LRIG1: variants seen among roughly 807,000 people sequenced by gnomAD.
LRIG1 encodes the protein leucine rich repeats and immunoglobulin like domains 1, also known as leucine-rich repeats and immunoglobulin-like domains protein 1.
A neutral mutation model predicts 99.2 loss-of-function variants in LRIG1; 48 were observed. The observed-to-expected ratio is 0.48, with a 90% CI of 0.38 to 0.62. LRIG1 has a LOEUF of 0.62. Ranked by LOEUF, LRIG1 falls within the 20% of genes least tolerant of loss-of-function variation. The pLI is 0.00. For missense variants in LRIG1, 1,646 were observed against 1,434.4 expected (o/e 1.15, Z -2.38); for synonymous variants, 772 against 596.1 (o/e 1.29, Z -4.30).
At chr3:66,390,401 C>T (rs974896992) in intron 12 of LRIG1, among the ~76,000 whole-genome samples, 9 of 152,048 alleles carry the variant, frequency 5.9e-5, no homozygotes, top group Non-Finnish European at 1.2e-4. Context: ...ACAGAAATAC[C>T]TTTAACAGTA....
chr3:66,405,117 G>A (rs1702215611), intron 9 of LRIG1, 81 bp downstream of exon 9: 19 of 1,268,048 alleles, frequency 1.5e-5, no homozygotes, highest in South Asian at 1.2e-4. Context: ...GCAGAGAGGC[G>A]CGGGGGGCGC....
At chr3:66,448,076 T>G (rs9872173) in intron 3 of LRIG1, among the ~76,000 whole-genome samples, 5,785 of 152,314 alleles carry the variant, frequency 0.038, 352 homozygotes, top group African/African-American at 0.13. Flanking sequence ...GCTCCGGCAT[T>G]ATCCTCAGAA....
chr3:66,442,163 G>A (rs541053389), intron 3 of LRIG1, among the ~76,000 whole-genome samples: 128 of 152,150 alleles, frequency 8.4e-4, no homozygotes, highest in Non-Finnish European at 1.2e-3. Context: ...AAAAACTCTT[G>A]CCTTTAAACA....
chr3:66,500,375 G>T lies in LRIG1; in HGVS notation c.33C>A (p.Ala11=). Residue 11 remains alanine (A), a synonymous_variant, in exon 1 of 19, where the codon GCC becomes GCA. Coordinates refer to ENST00000273261, the MANE Select transcript of LRIG1 (RefSeq NM_015541.3). The part of the protein sequence containing the change: MARPVRGGLG[A]PRRSPCLLLL... Reference sequence around the variant, plus strand: ...GGAGAAGGCAAGGCGAGCGGCGCGGGGCCCCGAGCCCTCCCCGGACCGGCC... The same window carrying T: ...GGAGAAGGCAAGGCGAGCGGCGCGGTGCCCCGAGCCCTCCCCGGACCGGCC... 1 of 1,474,128 alleles carries T rather than the reference G, an allele frequency of 6.8e-7. No homozygotes were observed. The highest frequency in any genetic ancestry group is 1.3e-5 in the South Asian group (1 of 75,760). The allele number at this position is 1,474,128 out of a possible 1,614,324, so 91.3% of individuals were successfully genotyped here.
chr3:66,469,487 C>A (rs912031735), intron 1 of LRIG1, among the ~76,000 whole-genome samples: 2 of 152,274 alleles, frequency 1.3e-5, no homozygotes, highest in South Asian at 4.1e-4. Flanking sequence ...TCAGTGTGGG[C>A]CTCTGAAGTC....
At chr3:66,494,074 A>G (rs1701174513) in intron 1 of LRIG1, among the ~76,000 whole-genome samples, 2 of 152,152 alleles carry the variant, frequency 1.3e-5, no homozygotes, top group African/African-American at 4.8e-5. Context: ...GAGACAGGAT[A>G]ATAAATTGGA....
chr3:66,401,452 G>A (rs181430055), intron 9 of LRIG1, among the ~76,000 whole-genome samples: 186 of 152,306 alleles, frequency 1.2e-3, no homozygotes, highest in African/African-American at 4.2e-3. Context: ...AAAAAGCTGC[G>A]CTTTATTTCA....
chr3:66,402,546 C>T (rs1182773496), intron 9 of LRIG1, among the ~76,000 whole-genome samples: 2 of 94,420 alleles, frequency 2.1e-5, no homozygotes, highest in Non-Finnish European at 4.8e-5. Context: ...TAGGTCTGAC[C>T]TCTTGCATGG....
At chr3:66,419,092 C>G (rs1004353128) in intron 3 of LRIG1, among the ~76,000 whole-genome samples, 4 of 152,198 alleles carry the variant, frequency 2.6e-5, no homozygotes, top group African/African-American at 4.8e-5. Context: ...TATCCGGGAA[C>G]TGTGAATGTG....
intron 3 of LRIG1, among the ~76,000 whole-genome samples, chr3:66,423,865 G>A (rs6792689): frequency 0.47 from 71,170 of 152,170 alleles, 20,312 homozygotes; most frequent in Non-Finnish European, 0.66. Flanking sequence ...GACCTGACAC[G>A]TAACAACTGC....
chr3:66,416,448 G>C (rs537846224), intron 4 of LRIG1, among the ~76,000 whole-genome samples: 4 of 152,148 alleles, frequency 2.6e-5, no homozygotes, highest in African/African-American at 9.7e-5. Context: ...CCTGGAATTG[G>C]AAAACGTCTC....
chr3:66,384,650 A>C (rs1701274057), intron 13 of LRIG1, among the ~76,000 whole-genome samples: 1 of 151,994 alleles, frequency 6.6e-6, no homozygotes, highest in African/African-American at 2.4e-5. Context: ...TACAGAGGGA[A>C]GGTGGGCATG....
chr3:66,404,094 T>C (rs935820469), intron 9 of LRIG1: 2 of 421,648 alleles, frequency 4.7e-6, no homozygotes, highest in South Asian at 1.9e-5. Context: ...GCTGCTGGAG[T>C]ACAGGACGCT....
At chr3:66,433,359 G>A (rs575269765) in intron 3 of LRIG1, among the ~76,000 whole-genome samples, 1 of 152,210 alleles carries the variant, frequency 6.6e-6, no homozygotes, top group Non-Finnish European at 1.5e-5. Context: ...GACAGAGAGG[G>A]GACTGTGGGT....
intron 4 of LRIG1, among the ~76,000 whole-genome samples, chr3:66,416,248 TC>T (rs1702611469): frequency 6.6e-6 from 1 of 152,172 alleles, no homozygotes; most frequent in Admixed American, 6.5e-5. Flanking sequence ...GGCCTCCTGT[TC>T]CCAACTCTGG....
intron 1 of LRIG1, among the ~76,000 whole-genome samples, chr3:66,472,779 T>C (rs1417094030): frequency 6.6e-6 from 1 of 152,168 alleles, no homozygotes; most frequent in Non-Finnish European, 1.5e-5. Context: ...AGACACAGAT[T>C]AAAACATCAA....
intron 1 of LRIG1, among the ~76,000 whole-genome samples, chr3:66,493,077 C>T (rs1701141505): frequency 7.2e-6 from 1 of 139,826 alleles, no homozygotes; most frequent in Non-Finnish European, 1.5e-5. Flanking sequence ...CTCCTGTCCT[C>T]CCTCCTCCCT....
chr3:66,452,829 T>C (rs1469106201), intron 2 of LRIG1, among the ~76,000 whole-genome samples: 1 of 152,160 alleles, frequency 6.6e-6, no homozygotes, highest in Non-Finnish European at 1.5e-5. Flanking sequence ...AGCTTGGCAA[T>C]TACTGGGCTG....
intron 2 of LRIG1, among the ~76,000 whole-genome samples, chr3:66,452,975 C>CT (rs1703955557): frequency 6.6e-6 from 1 of 152,182 alleles, no homozygotes; most frequent in South Asian, 2.1e-4. Flanking sequence ...CAATTAATTA[C>CT]TTTAACAGTC....
Sources: gnomAD v4.1 joint callset for allele counts (sites outside exome capture counted in the v4.1 genomes callset) on GRCh38, gnomAD v4.1.1 for gene constraint, MANE v1.5 for transcripts, NCBI Gene and HGNC (gene_info 2026-07-23, HGNC 2026-07-21) for gene names.